Variants in KLHL1 observed in about 807,000 individuals in gnomAD.
KLHL1 encodes the protein kelch like family member 1.
KLHL1 carries 47 observed loss-of-function variants against 77.7 expected under a neutral mutation model. That is an observed-to-expected ratio of 0.60 (90% CI 0.48 to 0.77). The LOEUF is 0.77. Ranked by LOEUF, KLHL1 falls within the 30% of genes least tolerant of loss-of-function variation. The pLI is 0.00. For synonymous variants in KLHL1, 360 were observed against 325.2 expected, an observed-to-expected ratio of 1.11 and a Z score of -1.15; for missense variants, 925 against 910.8, an observed-to-expected ratio of 1.02 and a Z score of -0.20.
Position 69,870,437 on chromosome 13 carries a change from A to G in KLHL1, c.1227+11846T>C, listed in dbSNP as rs201915169. Among the ~76,000 whole-genome samples the G allele has an allele frequency of 9.2e-5, 14 of 151,848 alleles. No individual in the cohort carries two copies. In the East Asian group the frequency reaches 2.7e-3, roughly 30 times the overall value. ...CCAACATTGGGTAGCAAATTTCAACATGAGTTTTTGGGGGACAAACATCCA... is the reference window on the plus strand; with the variant it reads ...CCAACATTGGGTAGCAAATTTCAACGTGAGTTTTTGGGGGACAAACATCCA... On this transcript the variant is annotated intron_variant, in intron 5 of 10. Transcript: ENST00000377844.
intron 1 of KLHL1, among the ~76,000 whole-genome samples, chr13:70,018,135 T>C (rs1885704749): frequency 6.6e-6 from 1 of 152,172 alleles, no homozygotes; most frequent in African/African-American, 2.4e-5. Context: ...GTGAATAACT[T>C]ACGGGAAGCT....
chr13:69,701,411 A>T lies in KLHL1; in HGVS notation c.*291T>A. On this transcript the variant is annotated 3_prime_UTR_variant, in exon 11 of 11. Coordinates refer to ENST00000377844, the MANE Select transcript of KLHL1 (RefSeq NM_020866.3). Reference sequence around the variant, plus strand: ...TCTCTCCTTTCAACTGCTCAAGAAAAAACAAGCCTTTGGTAACTCTAGTTA... The same window carrying T: ...TCTCTCCTTTCAACTGCTCAAGAAATAACAAGCCTTTGGTAACTCTAGTTA... 1 of 262,216 alleles carries T rather than the reference A, an allele frequency of 3.8e-6. No individual in the cohort carries two copies. The highest frequency in any genetic ancestry group is 8.8e-5 in the East Asian group (1 of 11,314). The allele number at this position is 262,216 out of a possible 1,614,324, so 16.2% of individuals were successfully genotyped here. A position where few individuals can be genotyped will look rare whatever the true frequency, so the allele number is the denominator to read the frequency against.
chr13:69,993,932 G>C (rs1486395260), intron 1 of KLHL1, among the ~76,000 whole-genome samples: 9 of 152,030 alleles, frequency 5.9e-5, no homozygotes. Context: ...ATCCAGAGTA[G>C]AGACATGGAA....
At chr13:69,851,373 T>C (rs1162895980) in intron 5 of KLHL1, among the ~76,000 whole-genome samples, 1 of 151,704 alleles carries the variant, frequency 6.6e-6, no homozygotes, top group East Asian at 1.9e-4. Flanking sequence ...CTTTGCAAAC[T>C]CACTGAGGAG....
intron 6 of KLHL1, among the ~76,000 whole-genome samples, chr13:69,835,910 A>T (rs540883998): frequency 2.7e-4 from 41 of 152,244 alleles, no homozygotes; most frequent in Non-Finnish European, 2.4e-4. Context: ...AGACAACCTC[A>T]AAATTACAAA....
At chr13:69,822,963 T>G (rs1345032016) in intron 6 of KLHL1, among the ~76,000 whole-genome samples, 2 of 152,176 alleles carry the variant, frequency 1.3e-5, no homozygotes, top group East Asian at 3.9e-4. Flanking sequence ...AACAACTTAT[T>G]TTGCTCATAA....
chr13:69,854,584 C>A (rs1879815243), intron 5 of KLHL1, among the ~76,000 whole-genome samples: 2 of 152,090 alleles, frequency 1.3e-5, no homozygotes, highest in South Asian at 2.1e-4. Context: ...ATTTTCTTGG[C>A]AAACTGCAGT....
chr13:69,885,919 T>C (rs965065233), intron 4 of KLHL1, among the ~76,000 whole-genome samples: 2 of 151,912 alleles, frequency 1.3e-5, no homozygotes, highest in African/African-American at 4.8e-5. Context: ...AACCAGAAAA[T>C]GGGAAATGGA....
At chr13:70,103,200 C>G (rs928518876) in intron 1 of KLHL1, among the ~76,000 whole-genome samples, 14 of 151,882 alleles carry the variant, frequency 9.2e-5, no homozygotes, top group Admixed American at 5.3e-4. Flanking sequence ...AGTCTCTATG[C>G]AAAGAAGGAA....
At chr13:70,085,360 A>G (rs1887510759) in intron 1 of KLHL1, among the ~76,000 whole-genome samples, 1 of 152,206 alleles carries the variant, frequency 6.6e-6, no homozygotes. Flanking sequence ...AAAGTACTGT[A>G]TCAAGCTTCC....
At chr13:69,782,113 T>A (rs1012802666) in intron 7 of KLHL1, among the ~76,000 whole-genome samples, 1 of 152,156 alleles carries the variant, frequency 6.6e-6, no homozygotes, top group Non-Finnish European at 1.5e-5. Flanking sequence ...TTGTGTTCTT[T>A]TTCTGTTTTA....
intron 9 of KLHL1, among the ~76,000 whole-genome samples, chr13:69,713,352 A>G (rs9542038): frequency 0.02 from 3,042 of 152,182 alleles, 42 homozygotes; most frequent in Middle Eastern, 0.044. Flanking sequence ...ATTAGCCGTC[A>G]TTTCTTTCTT....
chr13:69,772,111 C>T (rs1875600203), intron 7 of KLHL1, among the ~76,000 whole-genome samples: 2 of 151,942 alleles, frequency 1.3e-5, no homozygotes, highest in Admixed American at 6.6e-5. Flanking sequence ...GCCACCACGC[C>T]CAGCTAATTT....
chr13:69,971,753 T>C (rs1051738046), intron 2 of KLHL1, among the ~76,000 whole-genome samples: 1 of 152,066 alleles, frequency 6.6e-6, no homozygotes, highest in Non-Finnish European at 1.5e-5. Flanking sequence ...AATTATCTTA[T>C]GGTTTATCTT....
At chr13:69,983,589 AAAGAAG>A (rs1555287927) in intron 1 of KLHL1, among the ~76,000 whole-genome samples, 1 of 132,220 alleles carries the variant, frequency 7.6e-6, no homozygotes, top group Non-Finnish European at 1.5e-5. Context: ...AAAAAAAAAA[AAAGAAG>A]AAGAAGAAGA....
Position 69,784,174 on chromosome 13 carries a change from C to T in KLHL1, c.1639+12564G>A, listed in dbSNP as rs564696956. 9.2e-5 allele frequency among the ~76,000 whole-genome samples: 14 copies of T among 152,242 alleles called. No individual in the cohort carries two copies. In the South Asian group the frequency reaches 1.7e-3, roughly 18 times the overall value. On this transcript the variant is annotated intron_variant, in intron 7 of 10. Coordinates refer to ENST00000377844, the MANE Select transcript of KLHL1 (RefSeq NM_020866.3). Reference sequence around the variant, plus strand: ...CCACCAGGCTTGCCCTACAAGAGCTCCTGAAGGAAGCACTAAACATGGAAA... The same window carrying T: ...CCACCAGGCTTGCCCTACAAGAGCTTCTGAAGGAAGCACTAAACATGGAAA...
intron 1 of KLHL1, among the ~76,000 whole-genome samples, chr13:70,002,438 T>C (rs1297869175): frequency 1.3e-5 from 2 of 151,470 alleles, no homozygotes; most frequent in African/African-American, 4.8e-5. Flanking sequence ...TTTTTTTAAA[T>C]GAACGGAGCC....
chr13:69,964,994 G>T lies in KLHL1; in HGVS notation c.681-3550C>A, dbSNP rs189330854. On this transcript the variant is annotated intron_variant, in intron 2 of 10. Transcript: ENST00000377844. ...AAAATACAGGCTAAGAAGGGAGCTG[G>T]CCTTTAGTTCTTAGGCATTGTTATT... is the stretch of plus-strand genomic sequence containing the variant. 3.0e-4 allele frequency among the ~76,000 whole-genome samples: 46 copies of T among 152,166 alleles called. No homozygotes were observed. The Middle Eastern group carries it at 0.014, about 45-fold the overall frequency.
rs182029246 is a variant in KLHL1 at position 70,055,150 on chromosome 13, G to A, written c.497+52053C>T. 6.8e-3 allele frequency among the ~76,000 whole-genome samples: 1,036 copies of A among 152,046 alleles called. 5 individuals carry two copies. Among genetic ancestry groups the A allele is most frequent in the Non-Finnish European group, 0.011 (778 of 67,918 alleles). ...ATTAACCACACTCCCAAAGGTCAAG[G>A]ATAAAGAAAGGGTCATAAAATCAGC... On this transcript the variant is annotated intron_variant, in intron 1 of 10. Coordinates refer to ENST00000377844, the MANE Select transcript of KLHL1 (RefSeq NM_020866.3).
Sources: gnomAD v4.1 joint callset for allele counts (sites outside exome capture counted in the v4.1 genomes callset) on GRCh38, gnomAD v4.1.1 for gene constraint, MANE v1.5 for transcripts, NCBI Gene and HGNC (gene_info 2026-07-23, HGNC 2026-07-21) for gene names.